DAAM1: variants seen among roughly 807,000 people sequenced by gnomAD.
DAAM1 encodes dishevelled associated activator of morphogenesis 1, also known as disheveled-associated activator of morphogenesis 1.
Under a neutral mutation model 130.0 loss-of-function variants are expected in DAAM1, and 52 were observed. The ratio of observed to expected loss-of-function variants is 0.40; its 90% CI spans 0.32 to 0.50. The LOEUF (loss-of-function observed/expected upper bound fraction) is 0.50. DAAM1 is among the 20% of genes least tolerant of loss of function. DAAM1 has a pLI of 0.61. For synonymous variants in DAAM1, 452 were observed against 444.5 expected (o/e 1.02, Z -0.21); for missense variants, 1,134 against 1,303.8 (o/e 0.87, Z 2.01).
intron 16 of DAAM1, 39 bp from the exon 17 acceptor site, chr14:59,347,500 C>T (rs761380184): frequency 3.8e-6 from 6 of 1,579,586 alleles, no homozygotes; most frequent in Non-Finnish European, 5.2e-6. Context: ...TTTTAATACT[C>T]AAACCAATAT....
At chr14:59,325,476 T>TGTTTC (rs1885170898) in intron 8 of DAAM1, among the ~76,000 whole-genome samples, 188 bp from the exon 9 acceptor site, 1 of 152,250 alleles carries the variant, frequency 6.6e-6, no homozygotes, top group Admixed American at 6.5e-5. Flanking sequence ...TATTGTGATC[T>TGTTTC]GTTTCGCTCA....
At chr14:59,271,689 C>G (rs921913016) in intron 2 of DAAM1, among the ~76,000 whole-genome samples, 3 of 152,152 alleles carry the variant, frequency 2.0e-5, no homozygotes, top group African/African-American at 7.2e-5. Context: ...TGTTCTTCTA[C>G]CAGCCTTGTG....
Position 59,331,193 on chromosome 14 carries a change from A to G in DAAM1, c.1561-16A>G, listed in dbSNP as rs765961757. The G allele has an allele frequency of 2.0e-5, 32 of 1,610,284 alleles. No homozygotes were observed. In the East Asian group the frequency reaches 3.1e-4, roughly 16 times the overall value. ...TTCTTCCATTGATCTTTCTTTTCCT[A>G]TTTTTATCTTTTCAGAGGGCCGTCT... is the stretch of plus-strand genomic sequence containing the variant. On this transcript the variant is annotated splice_polypyrimidine_tract_variant and intron_variant, in intron 13 of 24. Coordinates refer to ENST00000360909, the MANE Select transcript of DAAM1 (RefSeq NM_001270520.2).
chr14:59,254,326 C>CT (rs1881774510), intron 1 of DAAM1, among the ~76,000 whole-genome samples: 1 of 152,124 alleles, frequency 6.6e-6, no homozygotes, highest in Admixed American at 6.5e-5. Flanking sequence ...AAGTTGCATT[C>CT]TTTTGTATAT....
intron 10 of DAAM1, 72 bp downstream of exon 10, chr14:59,326,149 C>A: frequency 7.1e-7 from 1 of 1,412,340 alleles, no homozygotes; most frequent in Non-Finnish European, 1.0e-6. Flanking sequence ...CTGGCTCCTG[C>A]ACAGTGCTGA....
intron 1 of DAAM1, among the ~76,000 whole-genome samples, chr14:59,260,268 T>G (rs1406488831): frequency 6.6e-6 from 1 of 152,148 alleles, no homozygotes; most frequent in African/African-American, 2.4e-5. Context: ...TATCAATGGG[T>G]TTTTTAAATC....
At chr14:59,348,108 A>G (rs1455374370) in intron 17 of DAAM1, among the ~76,000 whole-genome samples, 2 of 152,234 alleles carry the variant, frequency 1.3e-5, no homozygotes, top group East Asian at 1.9e-4. Flanking sequence ...CATACGTGTC[A>G]CAAGACAGGT....
intron 4 of DAAM1, among the ~76,000 whole-genome samples, chr14:59,319,162 C>T (rs1884906747): frequency 6.6e-6 from 1 of 152,170 alleles, no homozygotes; most frequent in Admixed American, 6.5e-5. Context: ...TGTCTCTGCA[C>T]CCAGCTTCCT....
chr14:59,218,066 G>C (rs532232653), intron 1 of DAAM1, among the ~76,000 whole-genome samples: 1 of 152,232 alleles, frequency 6.6e-6, no homozygotes, highest in African/African-American at 2.4e-5. Flanking sequence ...CCAGGAGTTG[G>C]AGGCTGCAGT....
At position 59,347,597 on chromosome 14, in the gene DAAM1, G is replaced by C. The variant is rs1419113038; in HGVS notation, c.2134G>C (p.Asp712His). 1 of 1,613,932 alleles carries C rather than the reference G, an allele frequency of 6.2e-7. No individual in the cohort carries two copies. Among genetic ancestry groups the C allele is most frequent in the Non-Finnish European group, 8.5e-7 (1 of 1,179,894 alleles). ...AATTCTAACAATGGACGAACAGGAA[G>C]ATCTGCCCAAGGACATGTTGGAACA... ...RAILTMDEQE[D>H]LPKDMLEQLL... Residue 712 changes from aspartate to histidine, a missense_variant, in exon 17 of 25, where the codon GAT (aspartate) becomes CAT (histidine). Coordinates refer to ENST00000360909, the MANE Select transcript of DAAM1 (RefSeq NM_001270520.2).
At chr14:59,200,411 G>A (rs926482592) in intron 1 of DAAM1, among the ~76,000 whole-genome samples, 10 of 152,160 alleles carry the variant, frequency 6.6e-5, no homozygotes, top group African/African-American at 2.4e-4. Flanking sequence ...AATCAGCAGT[G>A]TGGGAAGGGC....
intron 1 of DAAM1, among the ~76,000 whole-genome samples, chr14:59,215,597 T>A (rs1396124313): frequency 6.6e-6 from 1 of 152,136 alleles, no homozygotes; most frequent in Non-Finnish European, 1.5e-5. Context: ...CTGTCGGAGC[T>A]CAGGATAACA....
Position 59,344,357 on chromosome 14 carries a change from T to A in DAAM1, c.2076-3182T>A, listed in dbSNP as rs868692367. On this transcript the variant is annotated intron_variant, in intron 16 of 24. Transcript: ENST00000360909. The stretch of plus-strand genomic sequence containing the variant: ...GAGTAGAGCAACCTGGAGTTTTGAA[T>A]ACTGTTTTAAGATGGCTGGTTTGTT... Among the ~76,000 whole-genome samples the A allele has an allele frequency of 3.3e-4, 50 of 152,372 alleles. 1 individual carries two copies. Among genetic ancestry groups the A allele is most frequent in the Middle Eastern group, 6.8e-3 (2 of 294 alleles).
At chr14:59,211,566 C>T (rs1247522349) in intron 1 of DAAM1, among the ~76,000 whole-genome samples, 1 of 152,134 alleles carries the variant, frequency 6.6e-6, no homozygotes, top group Non-Finnish European at 1.5e-5. Flanking sequence ...AATATTTCTC[C>T]CCAGTTGATT....
chr14:59,327,014 G>C (rs200121362), intron 12 of DAAM1, 23 bp downstream of exon 12: 1 of 1,613,606 alleles, frequency 6.2e-7, no homozygotes, highest in Non-Finnish European at 8.5e-7. Context: ...GCCCTGATAA[G>C]AGGCTGTGTT....
intron 20 of DAAM1, 104 bp downstream of exon 20, chr14:59,355,437 C>CTCCA: frequency 7.3e-7 from 1 of 1,362,356 alleles, no homozygotes; most frequent in Non-Finnish European, 1.0e-6. Context: ...CTGCATTCTT[C>CTCCA]AGTTGGAACT....
At position 59,352,781 on chromosome 14, in the gene DAAM1, G is replaced by C. The variant is rs1182894199; in HGVS notation, c.2267+149G>C. On this transcript the variant is annotated intron_variant, in intron 18 of 24. Coordinates refer to ENST00000360909, the MANE Select transcript of DAAM1 (RefSeq NM_001270520.2). ...AAAAATCTTCTCAAGTCTGAGTGAT[G>C]TGGAATTTGTTCTGTTTATGTCACT... The C allele has an allele frequency of 4.3e-6, 3 of 702,482 alleles. No individual in the cohort carries two copies. The East Asian group carries it at 8.3e-5, about 19-fold the overall frequency. The allele number at this position is 702,482 out of a possible 1,614,324, so 43.5% of individuals were successfully genotyped here.
chr14:59,234,572 A>G (rs1889229219), intron 1 of DAAM1, among the ~76,000 whole-genome samples: 1 of 152,162 alleles, frequency 6.6e-6, no homozygotes. Context: ...TCATCTGCAA[A>G]CAGAGACAAT....
At chr14:59,253,559 A>AT (rs931569615) in intron 1 of DAAM1, among the ~76,000 whole-genome samples, 3 of 152,200 alleles carry the variant, frequency 2.0e-5, no homozygotes, top group Non-Finnish European at 4.4e-5. Context: ...TCTGGGCAAA[A>AT]TTTTGTTTCT....
Sources: allele counts gnomAD v4.1 joint callset (sites outside exome capture counted in the v4.1 genomes callset), GRCh38; gene constraint gnomAD v4.1.1; transcripts MANE v1.5; gene names NCBI Gene and HGNC (gene_info 2026-07-23, HGNC 2026-07-21).